Variants in CHSY1 observed in about 807,000 individuals in gnomAD.
CHSY1 encodes the protein chondroitin sulfate synthase 1.
Under a neutral mutation model 59.8 loss-of-function variants are expected in CHSY1, and 13 were observed. The observed-to-expected ratio is 0.22, with a 90% CI of 0.14 to 0.35. The LOEUF is 0.35. CHSY1 is among the 10% of genes least tolerant of loss of function. The probability of loss-of-function intolerance (pLI) is 1.00; values close to 1 mark genes in which losing one functional copy is unlikely to be tolerated. For synonymous variants in CHSY1, 459 were observed against 401.2 expected, an observed-to-expected ratio of 1.14 and a Z score of -1.72; for missense variants, 947 against 1,030.6, an observed-to-expected ratio of 0.92 and a Z score of 1.11.
chr15:101,191,111 T>A (rs1160857793), intron 2 of CHSY1, among the ~76,000 whole-genome samples: 1 of 152,248 alleles, frequency 6.6e-6, no homozygotes, highest in Non-Finnish European at 1.5e-5. Flanking sequence ...CACAAAAATC[T>A]GCATATGGGC....
rs1029278647 is a variant in CHSY1 at position 101,189,488 on chromosome 15, C to T, written c.817-10508G>A. ...CTCGGGGGGACCAGGACGTGCCACA[C>T]AGGCCCAGTGCAGCCGGGTTTAAAG... On this transcript the variant is annotated intron_variant, in intron 2 of 2. Transcript: ENST00000254190. 5 of 985,384 alleles carry T rather than the reference C, an allele frequency of 5.1e-6. No individual in the cohort carries two copies. The South Asian group carries it at 2.3e-4, about 46-fold the overall frequency. The allele number at this position is 985,384 out of a possible 1,614,324, so 61.0% of individuals were successfully genotyped here.
intron 2 of CHSY1, among the ~76,000 whole-genome samples, chr15:101,183,742 C>T (rs966464932): frequency 6.6e-6 from 1 of 152,226 alleles, no homozygotes; most frequent in African/African-American, 2.4e-5. Flanking sequence ...TGGGTGCCCA[C>T]TGCCTCCATC....
chr15:101,208,788 T>G (rs1410240453), intron 2 of CHSY1, among the ~76,000 whole-genome samples: 1 of 150,524 alleles, frequency 6.6e-6, no homozygotes, highest in Non-Finnish European at 1.5e-5. Flanking sequence ...GATGTAAACA[T>G]GGAAATGTAT....
At chr15:101,229,601 TC>T (rs970480851) in intron 2 of CHSY1, among the ~76,000 whole-genome samples, 1 of 152,012 alleles carries the variant, frequency 6.6e-6, no homozygotes, top group African/African-American at 2.4e-5. Context: ...AATAGAGAAT[TC>T]AACAATAACA....
chr15:101,221,642 G>C (rs2038790215), intron 2 of CHSY1, among the ~76,000 whole-genome samples: 1 of 152,176 alleles, frequency 6.6e-6, no homozygotes, highest in Admixed American at 6.5e-5. Flanking sequence ...GCATTCCTCA[G>C]GTGGTAAAAA....
At chr15:101,219,187 C>CA (rs1245111546) in intron 2 of CHSY1, among the ~76,000 whole-genome samples, 4 of 152,106 alleles carry the variant, frequency 2.6e-5, no homozygotes, top group South Asian at 2.1e-4. Context: ...CATCCACCCC[C>CA]AAAAAAATCT....
intron 2 of CHSY1, among the ~76,000 whole-genome samples, chr15:101,225,497 G>A (rs535888578): frequency 6.6e-6 from 1 of 152,278 alleles, no homozygotes; most frequent in African/African-American, 2.4e-5. Context: ...GGGTCCTGGT[G>A]GGAGGAACTG....
rs1355423750 is a variant in CHSY1, at chr15:101,251,532, G to A, written c.-76C>T. 2.6e-5 allele frequency: 6 copies of A among 233,764 alleles called. No individual in the cohort carries two copies. The highest frequency in any genetic ancestry group is 1.5e-4 in the South Asian group (1 of 6,588). The allele number at this position is 233,764 out of a possible 1,614,324, so 14.5% of individuals were successfully genotyped here. The stretch of plus-strand genomic sequence containing the variant: ...CAGCCCGCTGCCCCCGCCCGCGGAG[G>A]CCAGCCCGCCCTAGCGCCGCGAGGC... On this transcript the variant is annotated 5_prime_UTR_variant, in exon 1 of 3. Coordinates refer to ENST00000254190, the MANE Select transcript of CHSY1 (RefSeq NM_014918.5).
At chr15:101,235,660 T>C in intron 1 of CHSY1, 83 bp from the exon 2 acceptor site, 1 of 1,458,652 alleles carries the variant, frequency 6.9e-7, no homozygotes, top group Non-Finnish European at 9.5e-7. Context: ...TCATCTTGTA[T>C]CGCCGTGTTC....
Position 101,247,262 on chromosome 15 carries a change from C to T in CHSY1, c.320+3875G>A, listed in dbSNP as rs151205275. ...TTCCAAGCCGGTCCCTGCCTTGGGA[C>T]TTCCCGGTGCTTCCTTGGCCCTCAT... On this transcript the variant is annotated intron_variant, in intron 1 of 2. Transcript: ENST00000254190. Among the ~76,000 whole-genome samples, 370 of 152,228 alleles carry T rather than the reference C, an allele frequency of 2.4e-3. 3 individuals are homozygous for T. The highest frequency in any genetic ancestry group is 8.1e-3 in the African/African-American group (337 of 41,526).
chr15:101,239,325 A>G (rs182861758), intron 1 of CHSY1, among the ~76,000 whole-genome samples: 37 of 152,372 alleles, frequency 2.4e-4, no homozygotes, highest in African/African-American at 5.5e-4. Context: ...TGAAAATACT[A>G]AAACACTGTA....
rs1310296864 is a variant in CHSY1, at chr15:101,251,251, TGCGCCCCGC to T, written c.197_205del (p.Arg66_Ala68del). On this transcript the variant is annotated inframe_deletion, in exon 1 of 3. Transcript: ENST00000254190. ...TGGGTCCGAGCCGGGCGGCCAGAGC[TGCGCCCCGC>T]GCGCATCGCCGCGCGCCCCGCCGGC... is the stretch of plus-strand genomic sequence containing the variant. 6.9e-7 allele frequency: 1 copy of T among 1,442,992 alleles called. No individual in the cohort carries two copies. The highest frequency in any genetic ancestry group is 2.9e-5 in the East Asian group (1 of 34,424). 89.4% of individuals were successfully genotyped at this position (1,442,992 alleles called of 1,614,324 possible).
intron 2 of CHSY1, among the ~76,000 whole-genome samples, chr15:101,190,377 CGGA>C (rs911432622): frequency 2.6e-5 from 4 of 152,168 alleles, no homozygotes; most frequent in Non-Finnish European, 5.9e-5. Flanking sequence ...AGCAATCCCA[CGGA>C]GAAGTGACAG....
intron 2 of CHSY1, among the ~76,000 whole-genome samples, chr15:101,183,147 A>T (rs1353818217): frequency 6.6e-6 from 1 of 151,536 alleles, no homozygotes; most frequent in Non-Finnish European, 1.5e-5. Flanking sequence ...TCATAACGAT[A>T]AAAAAAAACC....
chr15:101,180,194 A>G (rs574151312), intron 2 of CHSY1, among the ~76,000 whole-genome samples: 64 of 152,330 alleles, frequency 4.2e-4, no homozygotes, highest in African/African-American at 1.5e-3. Flanking sequence ...TCTTTTTCTC[A>G]TAAGGTAAAA....
At chr15:101,229,902 G>A (rs1462134031) in intron 2 of CHSY1, among the ~76,000 whole-genome samples, 1 of 151,852 alleles carries the variant, frequency 6.6e-6, no homozygotes, top group African/African-American at 2.4e-5. Flanking sequence ...GCGAGACTCT[G>A]CCTCAAAAAT....
At chr15:101,224,689 A>G (rs760886181) in intron 2 of CHSY1, among the ~76,000 whole-genome samples, 2 of 152,168 alleles carry the variant, frequency 1.3e-5, no homozygotes, top group Non-Finnish European at 2.9e-5. Context: ...TAAGACCCAC[A>G]GGCAATGCTA....
chr15:101,193,044 C>T (rs72768555), intron 2 of CHSY1, among the ~76,000 whole-genome samples: 127 of 152,358 alleles, frequency 8.3e-4, no homozygotes, highest in Middle Eastern at 3.4e-3. Flanking sequence ...TGTAATCCGA[C>T]GAGGTAGCTC....
chr15:101,176,126 G>A lies in CHSY1; in HGVS notation c.*1262C>T, dbSNP rs1470408689. ...TTCCAAAAGGAAATCTTTGGAGATCGGTTTACTGCAAATAAAACAGACTAA... is the reference window on the plus strand; with the variant it reads ...TTCCAAAAGGAAATCTTTGGAGATCAGTTTACTGCAAATAAAACAGACTAA... On this transcript the variant is annotated 3_prime_UTR_variant, in exon 3 of 3. Coordinates refer to ENST00000254190, the MANE Select transcript of CHSY1 (RefSeq NM_014918.5). The A allele has an allele frequency of 5.0e-6, 2 of 397,446 alleles. No homozygotes were observed. The highest frequency in any genetic ancestry group is 8.9e-6 in the Non-Finnish European group (2 of 225,644). The allele number at this position is 397,446 out of a possible 1,614,324, so 24.6% of individuals were successfully genotyped here.
Sources: allele counts gnomAD v4.1 joint callset (sites outside exome capture counted in the v4.1 genomes callset), GRCh38; gene constraint gnomAD v4.1.1; transcripts MANE v1.5; gene names NCBI Gene and HGNC (gene_info 2026-07-23, HGNC 2026-07-21).